Variants in DSCAM observed in about 807,000 individuals in gnomAD.
The protein encoded by DSCAM is DS cell adhesion molecule.
DSCAM carries 47 observed loss-of-function variants against 217.7 expected under a neutral mutation model. The ratio of observed to expected loss-of-function variants is 0.22; its 90% CI spans 0.17 to 0.28. DSCAM has a LOEUF of 0.28. Ranked by LOEUF, DSCAM falls within the 10% of genes least tolerant of loss-of-function variation. The probability of loss-of-function intolerance (pLI) is 1.00; values close to 1 mark genes in which losing one functional copy is unlikely to be tolerated. For synonymous variants in DSCAM, 1,056 were observed against 1,015.3 expected (o/e 1.04, Z -0.76); for missense variants, 2,080 against 2,618.3 (o/e 0.79, Z 4.49).
intron 3 of DSCAM, among the ~76,000 whole-genome samples, chr21:40,502,691 A>T (rs939144628): frequency 1.3e-5 from 2 of 152,092 alleles, no homozygotes. Context: ...TTGTCATGAC[A>T]TTGGACTCAC....
At chr21:40,533,561 C>T (rs1399139535) in intron 3 of DSCAM, among the ~76,000 whole-genome samples, 3 of 117,464 alleles carry the variant, frequency 2.6e-5, no homozygotes, top group Admixed American at 1.9e-4. Flanking sequence ...ATCCATTCAT[C>T]CATCCATCCA....
chr21:40,518,492 T>A (rs1370411555), intron 3 of DSCAM, among the ~76,000 whole-genome samples: 2 of 19,378 alleles, frequency 1.0e-4, no homozygotes, highest in Non-Finnish European at 1.5e-4. Flanking sequence ...TATATATATA[T>A]TATATATTAT....
intron 3 of DSCAM, among the ~76,000 whole-genome samples, chr21:40,605,791 CTTTTTTTTTTTT>C (rs755767800): frequency 2.7e-4 from 17 of 62,006 alleles, no homozygotes; most frequent in African/African-American, 6.3e-4. Context: ...AATGCACATT[CTTTTTTTTTTTT>C]TTTTTTTTTT....
chr21:40,747,504 T>C (rs916143323), intron 1 of DSCAM, among the ~76,000 whole-genome samples: 2 of 151,746 alleles, frequency 1.3e-5, no homozygotes, highest in Non-Finnish European at 3.0e-5. Context: ...GATTAAATCA[T>C]GAAGAAATAG....
At chr21:40,506,087 C>T (rs543646621) in intron 3 of DSCAM, among the ~76,000 whole-genome samples, 1 of 152,288 alleles carries the variant, frequency 6.6e-6, no homozygotes, top group East Asian at 1.9e-4. Context: ...TAAAGATTTA[C>T]TGAAGGAACT....
Position 40,605,514 on chromosome 21 carries a change from C to T in DSCAM, c.508+87296G>A, listed in dbSNP as rs138585855. Among the ~76,000 whole-genome samples the T allele has an allele frequency of 3.4e-3, 511 of 152,270 alleles. 3 individuals are homozygous for T. Among genetic ancestry groups the T allele is most frequent in the African/African-American group, 0.012 (495 of 41,556 alleles). On this transcript the variant is annotated intron_variant, in intron 3 of 32. Coordinates refer to ENST00000400454, the MANE Select transcript of DSCAM (RefSeq NM_001389.5). ...TTTTTGGCTTTGAGAGATACAGAGT[C>T]TCTATTGCAGCTCCTGAAGTGTCCT... is the stretch of plus-strand genomic sequence containing the variant.
chr21:40,177,440 T>A lies in DSCAM; in HGVS notation c.2947+1487A>T, dbSNP rs1229988175. Among the ~76,000 whole-genome samples the A allele has an allele frequency of 3.9e-5, 6 of 152,176 alleles. No individual in the cohort carries two copies. The South Asian group carries it at 6.2e-4, about 16-fold the overall frequency. On this transcript the variant is annotated intron_variant, in intron 15 of 32. Transcript: ENST00000400454. ...TTCTGTCACTCACTCTTGAAAACAA[T>A]TTTCAAGAACTGACATCTTCCAGCA...
chr21:40,406,026 T>C (rs967733250), intron 3 of DSCAM, among the ~76,000 whole-genome samples: 11 of 152,034 alleles, frequency 7.2e-5, no homozygotes, highest in Admixed American at 6.6e-5. Flanking sequence ...GATATATAAA[T>C]GGCCAAGGGG....
chr21:40,800,325 T>C (rs1393913045), intron 1 of DSCAM, among the ~76,000 whole-genome samples: 1 of 152,074 alleles, frequency 6.6e-6, no homozygotes, highest in Admixed American at 6.6e-5. Context: ...TTGATGATAG[T>C]GAACACCTGA....
At chr21:40,066,248 A>G (rs916893490) in intron 27 of DSCAM, among the ~76,000 whole-genome samples, 2 of 152,336 alleles carry the variant, frequency 1.3e-5, no homozygotes, top group East Asian at 3.9e-4. Context: ...GAAGCTGCAC[A>G]AAGATTTCCT....
At chr21:40,180,214 G>A (rs1311675103) in intron 14 of DSCAM, among the ~76,000 whole-genome samples, 11 of 152,190 alleles carry the variant, frequency 7.2e-5, no homozygotes, top group Non-Finnish European at 1.5e-4. Flanking sequence ...TTGGGAATGG[G>A]GCCAATCACT....
At chr21:40,189,279 G>A in intron 11 of DSCAM, 41 bp from the exon 12 acceptor site, 1 of 1,458,994 alleles carries the variant, frequency 6.9e-7, no homozygotes, top group South Asian at 1.5e-5. Flanking sequence ...AGCAAAGCAG[G>A]GTTCTTGATT....
chr21:40,797,431 A>G (rs368436193), intron 1 of DSCAM, among the ~76,000 whole-genome samples: 17 of 152,352 alleles, frequency 1.1e-4, no homozygotes, highest in African/African-American at 3.4e-4. Context: ...AAGATGGTGG[A>G]TGATGTAGGT....
intron 3 of DSCAM, among the ~76,000 whole-genome samples, chr21:40,640,316 G>A (rs548487303): frequency 6.6e-6 from 1 of 152,260 alleles, no homozygotes; most frequent in Non-Finnish European, 1.5e-5. Flanking sequence ...AGGGCAGGGT[G>A]ATGTGCAAAC....
At chr21:40,196,631 TTTC>T (rs1406433825) in intron 11 of DSCAM, among the ~76,000 whole-genome samples, 2 of 150,666 alleles carry the variant, frequency 1.3e-5, no homozygotes, top group Non-Finnish European at 2.9e-5. Flanking sequence ...CTCCCAATTT[TTTC>T]TTCATTTTTC....
In DSCAM at chr21:40,011,176, T is replaced by C. The variant is rs1280211549; in HGVS notation, c.*1858A>G. 1 of 152,042 alleles carries C rather than the reference T, an allele frequency of 6.6e-6. No homozygotes were observed. Among genetic ancestry groups the C allele is most frequent in the African/African-American group, 2.4e-5 (1 of 41,398 alleles). 9.4% of individuals were successfully genotyped at this position (152,042 alleles called of 1,614,324 possible). ...AAACAGTCTGAGAGTATGCAAACAG[T>C]ACACGTCAACACGGATTACATTCTG... On this transcript the variant is annotated 3_prime_UTR_variant, in exon 33 of 33. Coordinates refer to ENST00000400454, the MANE Select transcript of DSCAM (RefSeq NM_001389.5).
chr21:40,769,874 G>A (rs929258268), intron 1 of DSCAM, among the ~76,000 whole-genome samples: 3 of 152,120 alleles, frequency 2.0e-5, no homozygotes, highest in African/African-American at 7.2e-5. Context: ...TAGCCAGAAT[G>A]CCCCTTACCC....
intron 3 of DSCAM, among the ~76,000 whole-genome samples, chr21:40,545,399 G>T (rs1425516802): frequency 6.6e-6 from 1 of 152,166 alleles, no homozygotes; most frequent in Non-Finnish European, 1.5e-5. Context: ...ACTGGGGATA[G>T]GCAGCCCTGT....
chr21:40,688,390 T>C (rs967226354), intron 3 of DSCAM, among the ~76,000 whole-genome samples: 3 of 152,168 alleles, frequency 2.0e-5, no homozygotes, highest in Non-Finnish European at 4.4e-5. Context: ...GGTGTTATTG[T>C]TTTTTTCCAG....
Sources: allele counts gnomAD v4.1 joint callset (sites outside exome capture counted in the v4.1 genomes callset), GRCh38; gene constraint gnomAD v4.1.1; transcripts MANE v1.5; gene names NCBI Gene and HGNC (gene_info 2026-07-23, HGNC 2026-07-21).